Variants in INO80 observed in about 807,000 individuals in gnomAD.
INO80 encodes chromatin-remodeling ATPase INO80.
A neutral mutation model predicts 203.4 loss-of-function variants in INO80; 20 were observed. That is an observed-to-expected ratio of 0.10 (90% CI 0.07 to 0.14). The LOEUF is 0.14. INO80 is among the 10% of genes least tolerant of loss of function. The pLI is 1.00. For missense variants in INO80, 1,419 were observed against 1,914.4 expected, an observed-to-expected ratio of 0.74 and a Z score of 4.83; for synonymous variants, 726 against 685.2, an observed-to-expected ratio of 1.06 and a Z score of -0.93.
chr15:41,100,164 TC>T (rs993099278), intron 1 of INO80, among the ~76,000 whole-genome samples: 22 of 152,208 alleles, frequency 1.4e-4, no homozygotes, highest in African/African-American at 5.3e-4. Flanking sequence ...AAGCTCTGCC[TC>T]CCAGGTTCAC....
At chr15:41,066,125 T>C (rs1379131422) in intron 14 of INO80, among the ~76,000 whole-genome samples, 2 of 151,496 alleles carry the variant, frequency 1.3e-5, no homozygotes, top group African/African-American at 2.4e-5. Flanking sequence ...ATTACAGGCA[T>C]GTGCCACCAT....
Position 40,987,848 on chromosome 15 carries a change from G to A in INO80, c.3697C>T (p.Arg1233Cys), listed in dbSNP as rs1364222217. The A allele has an allele frequency of 6.2e-7, 1 of 1,614,052 alleles. No individual in the cohort carries two copies. Among genetic ancestry groups the A allele is most frequent in the Non-Finnish European group, 8.5e-7 (1 of 1,179,988 alleles). ...RLICKGTIEE[R>C]ILQRAKEKSE... ...TTCTCCTTGGCTCTTTGCAGAATGCGTTCTTCAATGGTGCCTTTACAGATG... is the reference window on the plus strand; with the variant it reads ...TTCTCCTTGGCTCTTTGCAGAATGCATTCTTCAATGGTGCCTTTACAGATG... The change falls in exon 30 of 36, where the codon CGC (arginine) becomes TGC (cysteine). Residue 1233 changes from arginine to cysteine, a missense_variant. Physicochemically the swap from Arg to Cys is radical, Grantham distance 180 (BLOSUM62 -3). This residue lies in a region of INO80 where 65 missense variants were observed against 186.7 expected (regional missense o/e 0.35). Transcript: ENST00000648947.
rs868123899 is a variant in INO80, at chr15:41,032,018, C to G, written c.2908-4282G>C. Reference sequence around the variant, plus strand: ...CACAGGACAGCACAGCACAGCACAGCACAGCACAGCACAGCACAGCACAGC... The same window carrying G: ...CACAGGACAGCACAGCACAGCACAGGACAGCACAGCACAGCACAGCACAGC... On this transcript the variant is annotated intron_variant, in intron 24 of 35. Coordinates refer to ENST00000648947, the MANE Select transcript of INO80 (RefSeq NM_017553.3). 5.4e-3 allele frequency among the ~76,000 whole-genome samples: 449 copies of G among 83,510 alleles called. 18 individuals are homozygous for G. The highest frequency in any genetic ancestry group is 0.012 in the Middle Eastern group (2 of 168). The allele number at this position is 83,510 out of a possible 152,430, so 54.8% of individuals were successfully genotyped here.
chr15:41,048,089 T>C, intron 22 of INO80, 123 bp downstream of exon 22: 1 of 602,908 alleles, frequency 1.7e-6, no homozygotes, highest in Non-Finnish European at 2.9e-6. Flanking sequence ...ATCAAGATTT[T>C]ATAAATAAGG....
intron 1 of INO80, among the ~76,000 whole-genome samples, chr15:41,108,591 CAAAA>C (rs61591905): frequency 1.9e-5 from 1 of 53,200 alleles, no homozygotes; most frequent in Admixed American, 1.9e-4. Flanking sequence ...GACTCCGTCT[CAAAA>C]AAAAAAAAAA....
Position 41,020,889 on chromosome 15 carries a change from T to G in INO80, c.3274+11A>C, listed in dbSNP as rs1458732990. On this transcript the variant is annotated intron_variant, in intron 26 of 35. Coordinates refer to ENST00000648947, the MANE Select transcript of INO80 (RefSeq NM_017553.3). ...AGCGAGGAACACATTCCAAGAGGATTGAGAACTCACCTGGAATCCTGATGA... is the reference window on the plus strand; with the variant it reads ...AGCGAGGAACACATTCCAAGAGGATGGAGAACTCACCTGGAATCCTGATGA... 1.5e-5 allele frequency: 23 copies of G among 1,570,354 alleles called. No homozygotes were observed. Among genetic ancestry groups the G allele is most frequent in the Non-Finnish European group, 2.0e-5 (23 of 1,141,516 alleles).
Position 41,074,455 on chromosome 15 carries a change from G to A in INO80, c.1242C>T (p.Ile414=), listed in dbSNP as rs147318967. ...DMGHDGIQEE[I]LRKLEDSSTQ... Reference sequence around the variant, plus strand: ...TAGAACTGTCTTCCAGTTTCCTTAGGATTTCTTCCTGGATACCATCATGAC... The same window carrying A: ...TAGAACTGTCTTCCAGTTTCCTTAGAATTTCTTCCTGGATACCATCATGAC... The change falls in exon 10 of 36, where the codon ATC becomes ATT. Residue 414 remains isoleucine (I), a synonymous_variant. Coordinates refer to ENST00000648947, the MANE Select transcript of INO80 (RefSeq NM_017553.3). The A allele has an allele frequency of 1.9e-6, 3 of 1,613,694 alleles. No homozygotes were observed. The highest frequency in any genetic ancestry group is 2.5e-6 in the Non-Finnish European group (3 of 1,179,916).
intron 27 of INO80, among the ~76,000 whole-genome samples, chr15:41,014,169 G>A (rs1227003332): frequency 1.1e-4 from 16 of 152,156 alleles, no homozygotes; most frequent in Non-Finnish European, 2.2e-4. Flanking sequence ...TTCACCTACC[G>A]AAGCTAGTTT....
chr15:41,036,290 T>C (rs1459417132), intron 24 of INO80, among the ~76,000 whole-genome samples: 1 of 150,738 alleles, frequency 6.6e-6, no homozygotes, highest in Non-Finnish European at 1.5e-5. Context: ...TAAGATAACA[T>C]GTTATATAAC....
rs993158948 is a variant in INO80 at position 40,979,720 on chromosome 15, T to G, written c.*503A>C. On this transcript the variant is annotated 3_prime_UTR_variant, in exon 36 of 36. Transcript: ENST00000648947. The stretch of plus-strand genomic sequence containing the variant: ...ACTGCTCTCTCCAATGATGACACTC[T>G]GGGGTTCAGAGACCTGGGGAGCTGC... 5.9e-5 allele frequency: 10 copies of G among 170,274 alleles called. No homozygotes were observed. The East Asian group carries it at 1.3e-3, about 22-fold the overall frequency. 10.5% of individuals were successfully genotyped at this position (170,274 alleles called of 1,614,324 possible).
At position 41,070,487 on chromosome 15, in the gene INO80, G is replaced by C; in HGVS notation, c.1666C>G (p.Leu556Val). 1.2e-6 allele frequency: 2 copies of C among 1,614,056 alleles called. No homozygotes were observed. The change falls in exon 13 of 36, where the codon CTT becomes GTT. Residue 556 changes from leucine (L) to valine (V), a missense_variant. Around this residue, in one of 9 missense-constraint regions of INO80, gnomAD observed 192 missense variants for 406.7 expected, o/e 0.47. Coordinates refer to ENST00000648947, the MANE Select transcript of INO80 (RefSeq NM_017553.3). The stretch of plus-strand genomic sequence containing the variant: ...CCCACCTCAGCCAGATGGGCCAGAA[G>C]GGCAATGCTCTGTACTGTTTTACCA... ...GLGKTVQSIALLAHLAERENI... is the reference protein window; with the variant it reads ...GLGKTVQSIAVLAHLAERENI...
At chr15:41,061,996 G>A (rs548427599) in intron 14 of INO80, among the ~76,000 whole-genome samples, 4 of 152,172 alleles carry the variant, frequency 2.6e-5, no homozygotes, top group East Asian at 3.9e-4. Context: ...TCTACAGACC[G>A]CTATCTTTTG....
rs1218149774 is a variant in INO80, at chr15:40,979,828, G to C, written c.*395C>G. The C allele has an allele frequency of 8.6e-6, 2 of 231,880 alleles. No homozygotes were observed. The highest frequency in any genetic ancestry group is 1.0e-4 in the Admixed American group (2 of 19,562). 14.4% of individuals were successfully genotyped at this position (231,880 alleles called of 1,614,324 possible). On this transcript the variant is annotated 3_prime_UTR_variant, in exon 36 of 36. Coordinates refer to ENST00000648947, the MANE Select transcript of INO80 (RefSeq NM_017553.3). Reference sequence around the variant, plus strand: ...ACTCTTAAGAGAAATCTCTACCATGGAAGGCTCTTCACAGCACCTGCGGAG... The same window carrying C: ...ACTCTTAAGAGAAATCTCTACCATGCAAGGCTCTTCACAGCACCTGCGGAG...
At chr15:40,984,978 T>C (rs1207633434) in intron 32 of INO80, among the ~76,000 whole-genome samples, 2 of 152,194 alleles carry the variant, frequency 1.3e-5, no homozygotes, top group African/African-American at 4.8e-5. Context: ...CTAGCAGAAT[T>C]ATGGTAGGTT....
intron 1 of INO80, among the ~76,000 whole-genome samples, chr15:41,114,638 G>A (rs1356466019): frequency 6.6e-6 from 1 of 151,840 alleles, no homozygotes; most frequent in African/African-American, 2.4e-5. Context: ...GAACCTGGGA[G>A]GCGGAGGTCG....
At chr15:41,045,766 T>C (rs1596288607) in intron 23 of INO80, among the ~76,000 whole-genome samples, 2 of 150,982 alleles carry the variant, frequency 1.3e-5, no homozygotes, top group Admixed American at 1.3e-4. Flanking sequence ...CCAGGCGTGG[T>C]TGTGCACGCC....
At chr15:41,055,543 C>A (rs1028318342) in intron 17 of INO80, among the ~76,000 whole-genome samples, 179 bp from the exon 18 acceptor site, 2 of 152,128 alleles carry the variant, frequency 1.3e-5, no homozygotes, top group Non-Finnish European at 1.5e-5. Context: ...ATCAACCAAC[C>A]CTAATTTTAT....
At chr15:41,057,493 T>C (rs1030108218) in intron 16 of INO80, among the ~76,000 whole-genome samples, 1 of 143,126 alleles carries the variant, frequency 7.0e-6, no homozygotes, top group Non-Finnish European at 1.5e-5. Flanking sequence ...CTGTAGGAAG[T>C]AAGACCTTTC....
rs568797136 is a variant in INO80, at chr15:41,015,893, C to T, written c.3402+195G>A. On this transcript the variant is annotated intron_variant, in intron 27 of 35. Coordinates refer to ENST00000648947, the MANE Select transcript of INO80 (RefSeq NM_017553.3). ...ACCTGGAAGGCAGAGGTTGCAGAGC[C>T]GAGATCGCATCACTGCACTCCAGCC... Among the ~76,000 whole-genome samples, 13 of 148,186 alleles carry T rather than the reference C, an allele frequency of 8.8e-5. 1 individual carries two copies. Among genetic ancestry groups the T allele is most frequent in the South Asian group, 4.3e-4 (2 of 4,644 alleles).
Sources: gnomAD v4.1 joint callset for allele counts (sites outside exome capture counted in the v4.1 genomes callset) on GRCh38, gnomAD v4.1.1 for gene constraint, gnomAD v4.1.1 regional missense constraint, MANE v1.5 for transcripts, NCBI Gene and HGNC (gene_info 2026-07-23, HGNC 2026-07-21) for gene names.